TSPAN15: variants seen among roughly 807,000 people sequenced by gnomAD.
TSPAN15 encodes the protein tetraspanin-15.
Under a neutral mutation model 34.5 loss-of-function variants are expected in TSPAN15, and 20 were observed. The observed-to-expected ratio is 0.58, with a 90% CI of 0.41 to 0.84. The LOEUF (loss-of-function observed/expected upper bound fraction) is 0.84. Ranked by LOEUF, TSPAN15 falls within the 40% of genes least tolerant of loss-of-function variation. The pLI, the probability that TSPAN15 is intolerant of heterozygous loss-of-function variation, is 0.00. For synonymous variants in TSPAN15, 155 were observed against 153.9 expected (o/e 1.01, Z -0.05); for missense variants, 313 against 386.1 (o/e 0.81, Z 1.59).
intron 1 of TSPAN15, among the ~76,000 whole-genome samples, chr10:69,458,798 T>G (rs1364269205): frequency 1.3e-5 from 2 of 152,210 alleles, no homozygotes; most frequent in Non-Finnish European, 2.9e-5. Flanking sequence ...AGAAGTGTCC[T>G]TCGCTCTTAA....
chr10:69,543,660 G>A, the TSPAN15 span, among the ~76,000 whole-genome samples: 3 of 152,122 alleles, frequency 2.0e-5, no homozygotes, highest in South Asian at 2.1e-4. Context: ...GCTTCACAGC[G>A]CTGGGCCCTG....
chr10:69,504,311 T>C, intron 5 of TSPAN15, 127 bp from the exon 6 acceptor site: 1 of 791,564 alleles, frequency 1.3e-6, no homozygotes, highest in East Asian at 2.9e-5. Context: ...GGTCGGAATC[T>C]CAGCTCCATC....
At chr10:69,495,393 T>A in intron 3 of TSPAN15, 1 of 571,346 alleles carries the variant, frequency 1.8e-6, no homozygotes, top group Non-Finnish European at 3.1e-6. Flanking sequence ...AGGCATCAGA[T>A]GAACACTGGA....
At chr10:69,451,798 G>C in intron 1 of TSPAN15, 108 bp downstream of exon 1, 1 of 859,270 alleles carries the variant, frequency 1.2e-6, no homozygotes, top group East Asian at 3.3e-5. Context: ...GGGAGTGCGC[G>C]GGTGAGCGCG....
chr10:69,546,105 G>A, the TSPAN15 span, among the ~76,000 whole-genome samples: 1 of 152,140 alleles, frequency 6.6e-6, no homozygotes, highest in Non-Finnish European at 1.5e-5. Flanking sequence ...CCTCCTTGTG[G>A]CATTTGATTT....
In TSPAN15 at chr10:69,506,636, GGA is replaced by G. The variant is rs1842332845; in HGVS notation, c.736-189_736-188del. The stretch of plus-strand genomic sequence containing the variant: ...GGCGCTCTGGGATTTCCTGGGAAGG[GGA>G]GAGGGGGCCCAGGTGGGAGCTTCTT... On this transcript the variant is annotated intron_variant, in intron 7 of 7. Transcript: ENST00000373290. The surrounding 1 kb of genome is among the most constrained non-coding windows in gnomAD (Gnocchi z 4.7). Among the ~76,000 whole-genome samples the G allele has an allele frequency of 6.6e-6, 1 of 152,160 alleles. No homozygotes were observed. Among genetic ancestry groups the G allele is most frequent in the Admixed American group, 6.5e-5 (1 of 15,278 alleles).
the TSPAN15 span, among the ~76,000 whole-genome samples, chr10:69,532,553 C>G: frequency 2.0e-5 from 3 of 152,178 alleles, no homozygotes; most frequent in South Asian, 6.2e-4. Context: ...GGATTTAAAT[C>G]TAAGACTTGA....
chr10:69,489,084 C>CA (rs1418282315), intron 3 of TSPAN15, among the ~76,000 whole-genome samples: 1 of 152,170 alleles, frequency 6.6e-6, no homozygotes, highest in African/African-American at 2.4e-5. Flanking sequence ...GAGACACTCC[C>CA]AGAGCGGCCG....
At chr10:69,476,812 G>T (rs886617288) in intron 1 of TSPAN15, among the ~76,000 whole-genome samples, 31 of 152,038 alleles carry the variant, frequency 2.0e-4, no homozygotes, top group African/African-American at 7.5e-4. Context: ...TTGTGGGGGA[G>T]CCCCGTTCCT....
the TSPAN15 span, among the ~76,000 whole-genome samples, chr10:69,544,967 C>A: frequency 2.1e-4 from 32 of 152,298 alleles, 1 homozygote; most frequent in South Asian, 6.6e-3. Flanking sequence ...CTCACCCTCT[C>A]CCCCAGCCGA....
chr10:69,457,005 G>A (rs905098140), intron 1 of TSPAN15, among the ~76,000 whole-genome samples: 9 of 152,162 alleles, frequency 5.9e-5, no homozygotes, highest in African/African-American at 2.2e-4. Flanking sequence ...GATGTCTGCG[G>A]GAGAAATGAG....
intron 1 of TSPAN15, among the ~76,000 whole-genome samples, chr10:69,459,922 C>T (rs1841207539): frequency 1.6e-5 from 2 of 128,360 alleles, no homozygotes; most frequent in South Asian, 2.6e-4. Context: ...CTCTAGGCAC[C>T]CCCCCCCCAC....
the TSPAN15 span, among the ~76,000 whole-genome samples, chr10:69,527,157 A>T: frequency 6.8e-6 from 1 of 148,146 alleles, no homozygotes; most frequent in African/African-American, 2.5e-5. Flanking sequence ...AGGTACTGAA[A>T]TTCTAATACA....
rs767298688 is a variant in TSPAN15 at position 69,451,565 on chromosome 10, C to T, written c.-30C>T. On this transcript the variant is annotated 5_prime_UTR_variant, in exon 1 of 8. Transcript: ENST00000373290. ...GGGACCGAGCCGGAGAGCCCCGGAG[C>T]CCCCGTAACCCGCGCGGGGAGCGCC... 5 of 1,394,494 alleles carry T rather than the reference C, an allele frequency of 3.6e-6. No homozygotes were observed. The highest frequency in any genetic ancestry group is 3.0e-5 in the African/African-American group (2 of 66,414). 86.4% of individuals were successfully genotyped at this position (1,394,494 alleles called of 1,614,324 possible). A position where few individuals can be genotyped will look rare whatever the true frequency, so the allele number is the denominator to read the frequency against.
chr10:69,453,571 G>A (rs10823377), intron 1 of TSPAN15, among the ~76,000 whole-genome samples: 51,236 of 152,052 alleles, frequency 0.34, 9,315 homozygotes, highest in African/African-American at 0.49. Flanking sequence ...ACCTCCTCAC[G>A]TTTCCATTTT....
chr10:69,484,050 C>A (rs1841796312), intron 2 of TSPAN15, 174 bp downstream of exon 2: 1 of 567,524 alleles, frequency 1.8e-6, no homozygotes, highest in African/African-American at 1.9e-5. Flanking sequence ...AGGCCACCTC[C>A]CCTCCTGCAT....
At chr10:69,461,673 G>A (rs1485465766) in intron 1 of TSPAN15, among the ~76,000 whole-genome samples, 1 of 152,174 alleles carries the variant, frequency 6.6e-6, no homozygotes, top group African/African-American at 2.4e-5. Context: ...CTGGGTGCAG[G>A]CATGGGCACA....
At chr10:69,476,514 G>C (rs1466901198) in intron 1 of TSPAN15, among the ~76,000 whole-genome samples, 1 of 150,180 alleles carries the variant, frequency 6.7e-6, no homozygotes, top group African/African-American at 2.5e-5. Flanking sequence ...CTATGATCAC[G>C]CCACTGCACT....
rs1314476172 is a variant in TSPAN15, at chr10:69,487,779, C to T, written c.357+2564C>T. ...TTTGGCTGGCGGAACATCCAGGGGC[C>T]CTTCAGTGCTCACAGCTTGGGTTTC... On this transcript the variant is annotated intron_variant, in intron 3 of 7. Transcript: ENST00000373290. 2.0e-5 allele frequency among the ~76,000 whole-genome samples: 3 copies of T among 152,182 alleles called. No homozygotes were observed. In the East Asian group the frequency reaches 5.8e-4, roughly 29 times the overall value.
Sources: allele counts gnomAD v4.1 joint callset (sites outside exome capture counted in the v4.1 genomes callset), GRCh38; gene constraint gnomAD v4.1.1; non-coding constraint Gnocchi (gnomAD v3.1); transcripts MANE v1.5; gene names NCBI Gene and HGNC (gene_info 2026-07-23, HGNC 2026-07-21).